Variants in CA9 observed in about 807,000 individuals in gnomAD.
CA9 encodes carbonic anhydrase 9.
A neutral mutation model predicts 51.8 loss-of-function variants in CA9; 43 were observed. The ratio of observed to expected loss-of-function variants is 0.83; its 90% CI spans 0.65 to 1.07. The LOEUF (loss-of-function observed/expected upper bound fraction) is 1.07. Among genes scored for constraint, CA9 ranks in the 50% least tolerant of loss-of-function variants. CA9 has a pLI of 0.00. For synonymous variants in CA9, 253 were observed against 244.2 expected, an observed-to-expected ratio of 1.04 and a Z score of -0.34; for missense variants, 574 against 581.4, an observed-to-expected ratio of 0.99 and a Z score of 0.13.
At chr9:35,680,192 T>G in intron 9 of CA9, 53 bp downstream of exon 9, 1 of 1,610,196 alleles carries the variant, frequency 6.2e-7, no homozygotes, top group South Asian at 1.1e-5. Flanking sequence ...TCAGCACCAT[T>G]CAGCCCCAGG....
chr9:35,677,148 C>T (rs1824438917), intron 5 of CA9, among the ~76,000 whole-genome samples: 1 of 152,170 alleles, frequency 6.6e-6, no homozygotes, highest in African/African-American at 2.4e-5. Flanking sequence ...CCACCGTGCC[C>T]AGCCACACTC....
intron 5 of CA9, 140 bp downstream of exon 5, chr9:35,676,529 A>G: frequency 1.5e-6 from 1 of 685,776 alleles, no homozygotes; most frequent in South Asian, 1.8e-5. Flanking sequence ...CTGTTTGTTC[A>G]TTTAACACCC....
In CA9 at chr9:35,675,921, T is replaced by C. The variant is rs1268093959; in HGVS notation, c.594T>C (p.Asn198=). 2 of 1,605,152 alleles carry C rather than the reference T, an allele frequency of 1.2e-6. No homozygotes were observed. The highest frequency in any genetic ancestry group is 1.7e-6 in the Non-Finnish European group (2 of 1,176,486). ...PPLPELRLRN[N]GHSVQLTLPP... ...TCCCAGAACTGCGCCTGCGCAACAA[T>C]GGCCACAGTGGTGAGGGGGTCTCCC... The change falls in exon 3 of 11, where the codon AAT becomes AAC. Residue 198 remains asparagine (N), a synonymous_variant. Transcript: ENST00000378357.
At position 35,680,995 on chromosome 9, in the gene CA9, C is replaced by T; in HGVS notation, c.1350C>T (p.Arg450=). Residue 450 remains arginine (R), a synonymous_variant, in exon 11 of 11, where the codon CGC becomes CGT. Transcript: ENST00000378357. ...RRGTKGGVSY[R]PAEVAETGA is the part of the protein sequence containing the mutation. ...GAACCAAAGGGGGTGTGAGCTACCG[C>T]CCAGCAGAGGTAGCCGAGACTGGAG... 3 of 1,614,038 alleles carry T rather than the reference C, an allele frequency of 1.9e-6. No homozygotes were observed. Among genetic ancestry groups the T allele is most frequent in the Non-Finnish European group, 2.5e-6 (3 of 1,180,012 alleles).
At position 35,676,380 on chromosome 9, in the gene CA9, CT is replaced by C; in HGVS notation, c.834del (p.Leu279TrpfsTer53). ...RPGGLAVLAA[F>X]LEEGPEENSA... The stretch of plus-strand genomic sequence containing the variant: ...CGGGAGGCCTGGCCGTGTTGGCCGC[CT>C]TTCTGGAGGTACCAGATCCTGGACA... On this transcript the variant is annotated frameshift_variant, in exon 5 of 11. Coordinates refer to ENST00000378357, the MANE Select transcript of CA9 (RefSeq NM_001216.3). LOFTEE classifies it high-confidence loss of function. 6.2e-7 allele frequency: 1 copy of C among 1,613,258 alleles called. No individual in the cohort carries two copies. Among genetic ancestry groups the C allele is most frequent in the Non-Finnish European group, 8.5e-7 (1 of 1,179,522 alleles).
chr9:35,675,803 G>A lies in CA9; in HGVS notation c.476G>A (p.Arg159His), dbSNP rs774494489. The change falls in exon 3 of 11, where the codon CGC becomes CAC. Residue 159 changes from arginine (R) to histidine (H), a missense_variant. By Grantham distance (29) the Arg-to-His change is conservative. Transcript: ENST00000378357. ...CGGGTGTCCCCAGCCTGCGCGGGCC[G>A]CTTCCAGTCCCCGGTGGATATCCGC... is the stretch of plus-strand genomic sequence containing the variant. ...WPRVSPACAG[R>H]FQSPVDIRPQ... The A allele has an allele frequency of 3.1e-6, 5 of 1,603,252 alleles. No homozygotes were observed.
In CA9 at chr9:35,677,866, T is replaced by C. The variant is rs1294667985; in HGVS notation, c.907+10T>C. On this transcript the variant is annotated intron_variant, in intron 6 of 10. Transcript: ENST00000378357. ...GAAATCGCTGAGGAAGGTCAGTTTG[T>C]TGGTCTGGCCACTAATCTCTGTGGC... is the stretch of plus-strand genomic sequence containing the variant. 6.2e-7 allele frequency: 1 copy of C among 1,613,106 alleles called. No individual in the cohort carries two copies.
intron 2 of CA9, 91 bp downstream of exon 2, chr9:35,675,658 T>TTGCC: frequency 5.2e-5 from 73 of 1,406,536 alleles, no homozygotes; most frequent in East Asian, 2.1e-4. Flanking sequence ...GTCCCGGGCG[T>TTGCC]CCCACCCGCC....
chr9:35,680,279 T>C (rs1038553838), intron 9 of CA9, 140 bp downstream of exon 9: 1 of 932,176 alleles, frequency 1.1e-6, no homozygotes, highest in Middle Eastern at 2.3e-4. Context: ...AGGCAGATCA[T>C]GGTGGGGATT....
At position 35,673,997 on chromosome 9, in the gene CA9, T is replaced by G. The variant is rs766127766; in HGVS notation, c.38T>G (p.Leu13Trp). 6.2e-7 allele frequency: 1 copy of G among 1,611,062 alleles called. No homozygotes were observed. Among genetic ancestry groups the G allele is most frequent in the South Asian group, 1.1e-5 (1 of 90,508 alleles). ...TGCCCCAGCCCCTGGCTCCCTCTGT[T>G]GATCCCGGCCCCTGCTCCAGGCCTC... ...PLCPSPWLPLLIPAPAPGLTV... is the reference protein window; with the variant it reads ...PLCPSPWLPLWIPAPAPGLTV... The change falls in exon 1 of 11, where the codon TTG becomes TGG. Residue 13 changes from leucine to tryptophan, a missense_variant. By Grantham distance (61) the Leu-to-Trp change is moderately conservative. Transcript: ENST00000378357.
In CA9 at chr9:35,675,879, C is replaced by T. The variant is rs1824409613; in HGVS notation, c.552C>T (p.Gly184=). ...CCCTGCGCCCCCTGGAACTCCTGGGCTTCCAGCTCCCGCCGCTCCCAGAAC... is the reference window on the plus strand; with the variant it reads ...CCCTGCGCCCCCTGGAACTCCTGGGTTTCCAGCTCCCGCCGCTCCCAGAAC... ...CPALRPLELL[G]FQLPPLPELR... The change falls in exon 3 of 11, where the codon GGC becomes GGT. Residue 184 remains glycine, a synonymous_variant. Coordinates refer to ENST00000378357, the MANE Select transcript of CA9 (RefSeq NM_001216.3). 6.2e-7 allele frequency: 1 copy of T among 1,606,550 alleles called. No homozygotes were observed. Among genetic ancestry groups the T allele is most frequent in the Non-Finnish European group, 8.5e-7 (1 of 1,178,958 alleles).
chr9:35,676,015 G>C (rs1416221302), intron 3 of CA9, 49 bp from the exon 4 acceptor site: 1 of 1,607,806 alleles, frequency 6.2e-7, no homozygotes, highest in South Asian at 1.1e-5. Context: ...CCCGGGGGTT[G>C]GGCTGGCCCT....
intron 7 of CA9, 136 bp from the exon 8 acceptor site, chr9:35,679,714 TTATA>T (rs983594324): frequency 6.4e-6 from 5 of 782,408 alleles, no homozygotes; most frequent in African/African-American, 3.5e-5. Flanking sequence ...ATTTATTTAT[TTATA>T]AAAGAAATCA....
At chr9:35,675,688 C>T in intron 2 of CA9, 73 bp from the exon 3 acceptor site, 1 of 1,505,882 alleles carries the variant, frequency 6.6e-7, no homozygotes. Context: ...CCCACCCCCT[C>T]ACCTTTTCTA....
intron 1 of CA9, 37 bp from the exon 2 acceptor site, chr9:35,675,501 T>C: frequency 6.2e-7 from 1 of 1,613,562 alleles, no homozygotes; most frequent in Non-Finnish European, 8.5e-7. Flanking sequence ...GGATTGGGGC[T>C]CTAAGCTTGA....
rs1024738924 is a variant in CA9 at position 35,675,891 on chromosome 9, G to A, written c.564G>A (p.Pro188=). 6.8e-6 allele frequency: 11 copies of A among 1,608,378 alleles called. No homozygotes were observed. Among genetic ancestry groups the A allele is most frequent in the Admixed American group, 1.7e-5 (1 of 59,836 alleles). Residue 188 remains proline (P), a synonymous_variant, in exon 3 of 11, where the codon CCG becomes CCA. Transcript: ENST00000378357. The part of the protein sequence containing the change: ...RPLELLGFQL[P]PLPELRLRNN... The stretch of plus-strand genomic sequence containing the variant: ...TGGAACTCCTGGGCTTCCAGCTCCC[G>A]CCGCTCCCAGAACTGCGCCTGCGCA...
At chr9:35,678,917 C>T (rs909516933) in intron 6 of CA9, among the ~76,000 whole-genome samples, 1 of 151,310 alleles carries the variant, frequency 6.6e-6, no homozygotes, top group Non-Finnish European at 1.5e-5. Context: ...TTTCTTCTTT[C>T]CTTCTCTTCC....
Position 35,676,295 on chromosome 9 carries a change from A to G in CA9, c.748-2A>G. ...CCTCTCCTACCCTCGTGTCCTTTTCAGATCCACGTGGTTCACCTCAGCACC... is the reference window on the plus strand; with the variant it reads ...CCTCTCCTACCCTCGTGTCCTTTTCGGATCCACGTGGTTCACCTCAGCACC... On this transcript the variant is annotated splice_acceptor_variant, in intron 4 of 10. Coordinates refer to ENST00000378357, the MANE Select transcript of CA9 (RefSeq NM_001216.3). LOFTEE classifies it high-confidence loss of function. 1.2e-6 allele frequency: 2 copies of G among 1,614,058 alleles called. No individual in the cohort carries two copies. Among genetic ancestry groups the G allele is most frequent in the South Asian group, 1.1e-5 (1 of 91,082 alleles).
chr9:35,675,658 T>TTG, intron 2 of CA9, 91 bp downstream of exon 2: 114 of 1,406,196 alleles, frequency 8.1e-5, no homozygotes, highest in East Asian at 2.8e-4. Flanking sequence ...GTCCCGGGCG[T>TTG]CCCACCCGCC....
Sources: allele counts gnomAD v4.1 joint callset (sites outside exome capture counted in the v4.1 genomes callset), GRCh38; gene constraint gnomAD v4.1.1; transcripts MANE v1.5; gene names NCBI Gene and HGNC (gene_info 2026-07-23, HGNC 2026-07-21).